FREM1: variants seen among roughly 807,000 people sequenced by gnomAD.
FREM1 encodes the protein FRAS1-related extracellular matrix protein 1.
A neutral mutation model predicts 210.1 loss-of-function variants in FREM1; 220 were observed. That is an observed-to-expected ratio of 1.05 (90% CI 0.94 to 1.17). FREM1 has a LOEUF of 1.17. Among genes scored for constraint, FREM1 ranks in the 50% most tolerant of loss-of-function variants. The pLI is 0.00. For synonymous variants in FREM1, 1,189 were observed against 980.2 expected (o/e 1.21, Z -3.98); for missense variants, 3,454 against 2,675.5 (o/e 1.29, Z -6.42).
At chr9:14,785,194 C>CA (rs1234951012) in intron 23 of FREM1, among the ~76,000 whole-genome samples, 2 of 152,144 alleles carry the variant, frequency 1.3e-5, no homozygotes, top group Non-Finnish European at 2.9e-5. Flanking sequence ...AATGCCTTTT[C>CA]AAAAAGTGAA....
chr9:14,841,415 C>G, intron 10 of FREM1, 32 bp downstream of exon 10: 1 of 1,542,752 alleles, frequency 6.5e-7, no homozygotes. Flanking sequence ...GTGCACAAGA[C>G]TTTGGGAAAG....
Position 14,805,144 on chromosome 9 carries a change from G to A in FREM1, c.3283C>T (p.Gln1095Ter). 1 of 1,561,136 alleles carries A rather than the reference G, an allele frequency of 6.4e-7. No homozygotes were observed. ...SNIGISIDSF[Q>*]WKDMNAFHIN... ...TGAAAAGCGTTCATGTCTTTCCACT[G>A]AAATGAATCTAGAGCACACCAAGAT... is the stretch of plus-strand genomic sequence containing the variant. The change falls in exon 19 of 37, where the codon CAG becomes TAG. Residue 1095 changes from glutamine to a stop codon, truncating the protein, a stop_gained. Transcript: ENST00000380880. LOFTEE classifies it high-confidence loss of function.
At chr9:14,886,730 T>C (rs774454235) in intron 1 of FREM1, among the ~76,000 whole-genome samples, 8 of 151,526 alleles carry the variant, frequency 5.3e-5, no homozygotes, top group Non-Finnish European at 8.8e-5. Context: ...ACCCCACTCC[T>C]ACAAAAAAAA....
intron 24 of FREM1, among the ~76,000 whole-genome samples, chr9:14,779,179 C>A (rs540417184): frequency 6.6e-6 from 1 of 152,128 alleles, no homozygotes; most frequent in Non-Finnish European, 1.5e-5. Flanking sequence ...TTTTCCCCCT[C>A]CAGAAATATG....
intron 35 of FREM1, among the ~76,000 whole-genome samples, chr9:14,742,754 A>T (rs1841794314): frequency 6.6e-6 from 1 of 152,164 alleles, no homozygotes; most frequent in African/African-American, 2.4e-5. Flanking sequence ...AAAATCTTAT[A>T]TGTGTTTGCA....
chr9:14,746,209 T>C (rs975583251), intron 35 of FREM1, 144 bp downstream of exon 35: 5 of 578,046 alleles, frequency 8.6e-6, no homozygotes, highest in Non-Finnish European at 1.2e-5. Flanking sequence ...ACTAGGGAAC[T>C]CCCTCAGGGC....
At chr9:14,743,358 T>C (rs1347378733) in intron 35 of FREM1, among the ~76,000 whole-genome samples, 3 of 152,010 alleles carry the variant, frequency 2.0e-5, no homozygotes, top group Non-Finnish European at 4.4e-5. Context: ...AAACAAAAGA[T>C]GATGGGAGAC....
At chr9:14,798,027 A>C (rs1168083603) in intron 20 of FREM1, among the ~76,000 whole-genome samples, 1 of 152,184 alleles carries the variant, frequency 6.6e-6, no homozygotes. Flanking sequence ...TCAAAACTTA[A>C]ATATTAACAA....
chr9:14,794,138 C>T (rs1376915474), intron 21 of FREM1, among the ~76,000 whole-genome samples: 5 of 152,136 alleles, frequency 3.3e-5, no homozygotes, highest in Non-Finnish European at 2.9e-5. Flanking sequence ...CAAGGTGTGT[C>T]ATAATCTAGG....
intron 8 of FREM1, among the ~76,000 whole-genome samples, chr9:14,843,752 A>C (rs1225384470): frequency 8.1e-6 from 1 of 123,102 alleles, no homozygotes; most frequent in Non-Finnish European, 1.6e-5. Flanking sequence ...CCATCTGGAA[A>C]GTTTTAGAAA....
At chr9:14,882,806 G>T (rs1835021763) in intron 1 of FREM1, among the ~76,000 whole-genome samples, 1 of 149,652 alleles carries the variant, frequency 6.7e-6, no homozygotes, top group Admixed American at 6.8e-5. Context: ...TTTCAAAAAT[G>T]GGAGGCTGAA....
chr9:14,875,462 C>T (rs577130088), intron 1 of FREM1, among the ~76,000 whole-genome samples: 4 of 152,320 alleles, frequency 2.6e-5, no homozygotes, highest in Admixed American at 6.5e-5. Flanking sequence ...TCCAGTTGAT[C>T]GCATCGGCTC....
intron 6 of FREM1, among the ~76,000 whole-genome samples, chr9:14,850,733 A>T (rs1243856208): frequency 6.6e-6 from 1 of 152,168 alleles, no homozygotes; most frequent in Non-Finnish European, 1.5e-5. Flanking sequence ...ACACCAAAAA[A>T]ATTTTGTTAA....
At chr9:14,861,781 A>C (rs1830647369) in intron 3 of FREM1, among the ~76,000 whole-genome samples, 1 of 152,178 alleles carries the variant, frequency 6.6e-6, no homozygotes, top group Admixed American at 6.5e-5. Flanking sequence ...TGCTGGGATT[A>C]GAGGCATGAG....
chr9:14,865,865 C>T (rs1000391374), intron 2 of FREM1, among the ~76,000 whole-genome samples: 12 of 152,138 alleles, frequency 7.9e-5, no homozygotes, highest in African/African-American at 2.7e-4. Flanking sequence ...TAGGAACAAT[C>T]ACCTGGCAGT....
chr9:14,865,577 A>G (rs1438899686), intron 2 of FREM1, among the ~76,000 whole-genome samples: 14 of 152,066 alleles, frequency 9.2e-5, no homozygotes. Flanking sequence ...GGGTGTTGTT[A>G]ATACAGTCGT....
At chr9:14,815,107 A>G (rs1820065861) in intron 15 of FREM1, among the ~76,000 whole-genome samples, 1 of 152,206 alleles carries the variant, frequency 6.6e-6, no homozygotes, top group Admixed American at 6.5e-5. Flanking sequence ...AAACGAAAGG[A>G]AGAGATTGCC....
At chr9:14,898,656 C>G (rs563824079) in intron 1 of FREM1, among the ~76,000 whole-genome samples, 1 of 152,156 alleles carries the variant, frequency 6.6e-6, no homozygotes, top group Non-Finnish European at 1.5e-5. Context: ...GCAGGAGAAT[C>G]GCTTGAACCC....
rs1368140246 is a variant in FREM1 at position 14,781,097 on chromosome 9, A to G, written c.4442+3273T>C. On this transcript the variant is annotated intron_variant, in intron 24 of 36. Coordinates refer to ENST00000380880, the MANE Select transcript of FREM1 (RefSeq NM_001379081.2). The stretch of plus-strand genomic sequence containing the variant: ...TGGAAAGAACCTTCTACTGGAAATG[A>G]GCTCTGAGCCCCAAATTCAGCAGTG... Among the ~76,000 whole-genome samples the G allele has an allele frequency of 2.6e-5, 4 of 152,302 alleles. No homozygotes were observed. The East Asian group carries it at 7.7e-4, about 29-fold the overall frequency.
Sources: gnomAD v4.1 joint callset for allele counts (sites outside exome capture counted in the v4.1 genomes callset) on GRCh38, gnomAD v4.1.1 for gene constraint, MANE v1.5 for transcripts, NCBI Gene and HGNC (gene_info 2026-07-23, HGNC 2026-07-21) for gene names.